GALNT13: variants seen among roughly 807,000 people sequenced by gnomAD.
The protein encoded by GALNT13 is polypeptide N-acetylgalactosaminyltransferase 13.
GALNT13 carries 28 observed loss-of-function variants against 64.2 expected under a neutral mutation model. The observed-to-expected ratio is 0.44, with a 90% CI of 0.32 to 0.60. GALNT13 has a LOEUF of 0.60. Among genes scored for constraint, GALNT13 ranks in the 20% least tolerant of loss-of-function variants. The pLI is 0.05. For missense variants in GALNT13, 577 were observed against 669.8 expected (o/e 0.86, Z 1.53); for synonymous variants, 214 against 224.6 (o/e 0.95, Z 0.42).
chr2:154,092,371 A>G (rs1701857654), intron 3 of GALNT13, among the ~76,000 whole-genome samples: 1 of 152,086 alleles, frequency 6.6e-6, no homozygotes, highest in South Asian at 2.1e-4. Context: ...TGTATGCATT[A>G]AATGGCTCTG....
chr2:153,068,579 A>T, the GALNT13 span, among the ~76,000 whole-genome samples: 1 of 152,196 alleles, frequency 6.6e-6, no homozygotes, highest in Non-Finnish European at 1.5e-5. Context: ...TTAGACTGTC[A>T]TTATTTACCT....
the GALNT13 span, among the ~76,000 whole-genome samples, chr2:153,319,562 A>T: frequency 6.6e-6 from 1 of 152,178 alleles, no homozygotes; most frequent in Non-Finnish European, 1.5e-5. Context: ...TATAGGTGTG[A>T]GCCACTGCAC....
the GALNT13 span, among the ~76,000 whole-genome samples, chr2:153,291,643 C>A: frequency 1.3e-5 from 2 of 151,946 alleles, no homozygotes; most frequent in African/African-American, 4.8e-5. Context: ...CACCCCTCCT[C>A]CTGCTCTGGA....
intron 2 of GALNT13, among the ~76,000 whole-genome samples, chr2:153,904,205 A>G (rs1010380495): frequency 1.3e-5 from 2 of 151,832 alleles, no homozygotes; most frequent in Admixed American, 1.3e-4. Context: ...ATACTACAGA[A>G]TATTTATTCA....
chr2:154,372,585 C>G (rs1697760530), intron 9 of GALNT13, among the ~76,000 whole-genome samples: 1 of 151,942 alleles, frequency 6.6e-6, no homozygotes, highest in South Asian at 2.1e-4. Flanking sequence ...TATGATACAG[C>G]CATTGAAATA....
At chr2:153,819,695 G>A in the GALNT13 span, among the ~76,000 whole-genome samples, 1 of 152,198 alleles carries the variant, frequency 6.6e-6, no homozygotes, top group Non-Finnish European at 1.5e-5. Flanking sequence ...TTTCCTGCAA[G>A]CACCATCTAC....
At chr2:153,427,146 G>C in the GALNT13 span, among the ~76,000 whole-genome samples, 1 of 151,968 alleles carries the variant, frequency 6.6e-6, no homozygotes, top group Non-Finnish European at 1.5e-5. Context: ...CCTATTCAAA[G>C]AATGACTAAT....
At chr2:153,600,864 T>G in the GALNT13 span, among the ~76,000 whole-genome samples, 277 of 152,112 alleles carry the variant, frequency 1.8e-3, 3 homozygotes, top group African/African-American at 6.5e-3. Context: ...CTTCTAAATA[T>G]AGCTGTATCT....
chr2:154,262,976 C>T (rs1266096882), intron 8 of GALNT13, among the ~76,000 whole-genome samples: 1 of 152,124 alleles, frequency 6.6e-6, no homozygotes, highest in African/African-American at 2.4e-5. Context: ...ACAAGCATCA[C>T]CACCAAAAGT....
chr2:154,006,168 A>G (rs1696237727), intron 3 of GALNT13, among the ~76,000 whole-genome samples: 1 of 152,208 alleles, frequency 6.6e-6, no homozygotes, highest in Admixed American at 6.5e-5. Context: ...GAGATTCTTA[A>G]TTACCAAAAC....
chr2:153,434,372 C>A, the GALNT13 span, among the ~76,000 whole-genome samples: 541 of 152,180 alleles, frequency 3.6e-3, no homozygotes, highest in Middle Eastern at 6.8e-3. Context: ...GTCAAATGGT[C>A]TTTCTAGTTG....
At chr2:153,615,145 C>T in the GALNT13 span, among the ~76,000 whole-genome samples, 1 of 152,038 alleles carries the variant, frequency 6.6e-6, no homozygotes, top group South Asian at 2.1e-4. Flanking sequence ...TCTTTCTGTG[C>T]TTGTCTTATT....
chr2:153,807,332 C>CTA, the GALNT13 span, among the ~76,000 whole-genome samples: 2 of 151,684 alleles, frequency 1.3e-5, no homozygotes, highest in Admixed American at 6.6e-5. Flanking sequence ...TGCAATCAGC[C>CTA]TATATATATT....
At chr2:153,614,152 T>C in the GALNT13 span, among the ~76,000 whole-genome samples, 1 of 152,136 alleles carries the variant, frequency 6.6e-6, no homozygotes, top group African/African-American at 2.4e-5. Context: ...CAGTGAACTC[T>C]AAAAACCCAA....
chr2:153,802,167 A>G, the GALNT13 span, among the ~76,000 whole-genome samples: 1 of 152,208 alleles, frequency 6.6e-6, no homozygotes, highest in Admixed American at 6.5e-5. Flanking sequence ...TTTCTTAGAA[A>G]TCATGAATAG....
At chr2:153,187,506 A>T in the GALNT13 span, 12 of 152,166 alleles carry the variant, frequency 7.9e-5, no homozygotes, top group African/African-American at 2.7e-4. Context: ...TCTCAGGCTT[A>T]TTTCCAGTTC....
chr2:153,569,582 A>T, the GALNT13 span, among the ~76,000 whole-genome samples: 1 of 151,576 alleles, frequency 6.6e-6, no homozygotes, highest in Admixed American at 6.6e-5. Context: ...GTATATATTT[A>T]TGGGGTACAT....
At chr2:153,866,540 A>T in the GALNT13 span, among the ~76,000 whole-genome samples, 1 of 152,172 alleles carries the variant, frequency 6.6e-6, no homozygotes, top group Admixed American at 6.5e-5. Flanking sequence ...AGATGATATA[A>T]GGCTTTATGG....
At chr2:154,328,605 A>G (rs1203848842) in intron 9 of GALNT13, among the ~76,000 whole-genome samples, 1 of 152,088 alleles carries the variant, frequency 6.6e-6, no homozygotes, top group Non-Finnish European at 1.5e-5. Context: ...ATCTTGTTAA[A>G]AAATGCTCCA....
Sources: gnomAD v4.1 joint callset for allele counts (sites outside exome capture counted in the v4.1 genomes callset) on GRCh38, gnomAD v4.1.1 for gene constraint, MANE v1.5 for transcripts, NCBI Gene and HGNC (gene_info 2026-07-23, HGNC 2026-07-21) for gene names.